EXOC4: variants seen among roughly 807,000 people sequenced by gnomAD.
EXOC4 encodes the protein SEC8-like 1.
In EXOC4, 71 loss-of-function variants were observed where a neutral mutation model predicts 107.2. The observed-to-expected ratio is 0.66, with a 90% CI of 0.55 to 0.81. EXOC4 has a LOEUF of 0.81. Ranked by LOEUF, EXOC4 falls within the 30% of genes least tolerant of loss-of-function variation. The pLI is 0.00. For missense variants in EXOC4, 1,108 were observed against 1,189.6 expected, an observed-to-expected ratio of 0.93 and a Z score of 1.01; for synonymous variants, 456 against 441.2, an observed-to-expected ratio of 1.03 and a Z score of -0.42.
intron 17 of EXOC4, among the ~76,000 whole-genome samples, chr7:134,041,478 C>G (rs1795515847): frequency 6.6e-6 from 1 of 152,106 alleles, no homozygotes; most frequent in South Asian, 2.1e-4. Context: ...CAATAATTTG[C>G]ACACTCAAAA....
At chr7:133,644,646 G>C (rs2151028169) in intron 10 of EXOC4, among the ~76,000 whole-genome samples, 1 of 152,254 alleles carries the variant, frequency 6.6e-6, no homozygotes, top group Middle Eastern at 3.4e-3. Flanking sequence ...TGGTATTAGA[G>C]ACAAAACTTA....
intron 9 of EXOC4, among the ~76,000 whole-genome samples, chr7:133,519,025 T>G (rs920622385): frequency 4.6e-5 from 7 of 152,192 alleles, no homozygotes; most frequent in African/African-American, 7.2e-5. Flanking sequence ...AAAAAGTATA[T>G]TCACTGCAAC....
intron 4 of EXOC4, 58 bp from the exon 5 acceptor site, chr7:133,317,226 G>T (rs1400403593): frequency 1.7e-6 from 2 of 1,207,410 alleles, no homozygotes; most frequent in African/African-American, 3.0e-5. Flanking sequence ...GGGCTGTAGT[G>T]GGAGGACTTT....
chr7:133,873,277 C>G (rs17167314), intron 11 of EXOC4, among the ~76,000 whole-genome samples: 21,776 of 152,182 alleles, frequency 0.14, 1,802 homozygotes, highest in African/African-American at 0.21. Context: ...TGCCTCACCC[C>G]AAGTTGAAAA....
chr7:133,699,590 T>G (rs1794611890), intron 10 of EXOC4, among the ~76,000 whole-genome samples: 1 of 152,134 alleles, frequency 6.6e-6, no homozygotes. Context: ...GCGGTGGCCT[T>G]TATGTAATGT....
chr7:133,317,151 T>A (rs906065378), intron 4 of EXOC4, 133 bp from the exon 5 acceptor site: 7 of 645,758 alleles, frequency 1.1e-5, no homozygotes, highest in Non-Finnish European at 2.0e-5. Context: ...CAGTATAGTA[T>A]ATACTGGGGA....
chr7:133,801,414 C>G (rs937179241), intron 10 of EXOC4, among the ~76,000 whole-genome samples: 1 of 152,258 alleles, frequency 6.6e-6, no homozygotes, highest in East Asian at 1.9e-4. Context: ...CTAAATGAGG[C>G]TCTTCTTCAA....
intron 9 of EXOC4, chr7:133,484,120 CA>C (rs1256801333): frequency 6.2e-7 from 1 of 1,610,242 alleles, no homozygotes; most frequent in East Asian, 2.2e-5. Flanking sequence ...AAGTTCCTGC[CA>C]ACATTTTCAA....
At chr7:133,546,128 C>T (rs1584989752) in intron 9 of EXOC4, among the ~76,000 whole-genome samples, 2 of 151,862 alleles carry the variant, frequency 1.3e-5, no homozygotes, top group Non-Finnish European at 2.9e-5. Flanking sequence ...TTCATAGTAA[C>T]TTTTAAGAAT....
chr7:133,649,490 A>G (rs1285835745), intron 10 of EXOC4, among the ~76,000 whole-genome samples: 1 of 98,266 alleles, frequency 1.0e-5, no homozygotes, highest in African/African-American at 4.0e-5. Flanking sequence ...TTTTTTAACC[A>G]GTAAAGATTA....
chr7:133,840,498 A>ATT (rs577501590), intron 11 of EXOC4, among the ~76,000 whole-genome samples: 18 of 151,454 alleles, frequency 1.2e-4, no homozygotes, highest in African/African-American at 3.9e-4. Context: ...ATTGTATTTT[A>ATT]TTTATTTATT....
chr7:133,864,813 A>G (rs1798603105), intron 11 of EXOC4, among the ~76,000 whole-genome samples: 1 of 152,336 alleles, frequency 6.6e-6, no homozygotes, highest in East Asian at 1.9e-4. Context: ...GCCAGATATC[A>G]GATTCCTCAG....
intron 10 of EXOC4, among the ~76,000 whole-genome samples, chr7:133,747,014 G>A (rs776830713): frequency 1.3e-5 from 2 of 152,140 alleles, no homozygotes; most frequent in Non-Finnish European, 2.9e-5. Context: ...GGTAATACTA[G>A]TAGTACAACT....
At chr7:133,818,392 G>A (rs2151217470) in intron 11 of EXOC4, among the ~76,000 whole-genome samples, 1 of 152,278 alleles carries the variant, frequency 6.6e-6, no homozygotes, top group East Asian at 1.9e-4. Context: ...ATATATGGAA[G>A]GGAGTTTTAC....
intron 17 of EXOC4, among the ~76,000 whole-genome samples, chr7:134,009,653 C>G (rs1794722370): frequency 6.6e-6 from 1 of 152,116 alleles, no homozygotes; most frequent in Non-Finnish European, 1.5e-5. Flanking sequence ...GGAATGATCT[C>G]ATTATTGAAT....
At chr7:133,662,369 G>T (rs1793713471) in intron 10 of EXOC4, among the ~76,000 whole-genome samples, 1 of 152,124 alleles carries the variant, frequency 6.6e-6, no homozygotes, top group South Asian at 2.1e-4. Context: ...GTATTATTTA[G>T]AGAAGAAGAG....
chr7:133,524,956 T>A (rs1030161256), intron 9 of EXOC4, among the ~76,000 whole-genome samples: 14 of 152,192 alleles, frequency 9.2e-5, no homozygotes, highest in Non-Finnish European at 1.9e-4. Context: ...TTATAAAGAC[T>A]CTAGGTTGTG....
chr7:134,019,811 T>TAAAAA (rs1794988719), intron 17 of EXOC4, among the ~76,000 whole-genome samples: 1 of 152,236 alleles, frequency 6.6e-6, no homozygotes, highest in Non-Finnish European at 1.5e-5. Context: ...ATTTCTTTTT[T>TAAAAA]CCTTTATTTT....
chr7:134,030,968 C>T (rs1020035181), intron 17 of EXOC4, among the ~76,000 whole-genome samples: 4 of 152,168 alleles, frequency 2.6e-5, no homozygotes, highest in Non-Finnish European at 4.4e-5. Flanking sequence ...ACATACAACA[C>T]GGGTAAACCT....
Sources: gnomAD v4.1 joint callset for allele counts (sites outside exome capture counted in the v4.1 genomes callset) on GRCh38, gnomAD v4.1.1 for gene constraint, MANE v1.5 for transcripts, NCBI Gene and HGNC (gene_info 2026-07-23, HGNC 2026-07-21) for gene names.